Variants in CATSPERE observed in about 807,000 individuals in gnomAD.
The protein encoded by CATSPERE is catsper channel auxiliary subunit epsilon.
Under a neutral mutation model 114.1 loss-of-function variants are expected in CATSPERE, and 93 were observed. That is an observed-to-expected ratio of 0.81 (90% CI 0.69 to 0.97). The LOEUF is 0.97. CATSPERE is among the 50% of genes least tolerant of loss of function. The pLI is 0.00. For synonymous variants in CATSPERE, 341 were observed against 384.1 expected (o/e 0.89, Z 1.31); for missense variants, 1,058 against 1,131.6 (o/e 0.93, Z 0.93).
intron 13 of CATSPERE, among the ~76,000 whole-genome samples, chr1:244,587,639 A>C (rs1427805300): frequency 6.6e-6 from 1 of 152,260 alleles, no homozygotes; most frequent in Admixed American, 6.5e-5. Flanking sequence ...AATATCCATA[A>C]AATGAGGACA....
chr1:244,487,433 C>T (rs1671277897), intron 5 of CATSPERE, among the ~76,000 whole-genome samples: 1 of 152,102 alleles, frequency 6.6e-6, no homozygotes, highest in South Asian at 2.1e-4. Flanking sequence ...CCCACCTCAA[C>T]CCCCGAGGGT....
At chr1:244,528,310 C>G (rs915253423) in intron 8 of CATSPERE, among the ~76,000 whole-genome samples, 1 of 152,042 alleles carries the variant, frequency 6.6e-6, no homozygotes, top group African/African-American at 2.4e-5. Flanking sequence ...AATGTATACA[C>G]TATACAACAG....
chr1:244,475,639 C>G (rs1010008074), intron 2 of CATSPERE, among the ~76,000 whole-genome samples: 3 of 148,820 alleles, frequency 2.0e-5, no homozygotes, highest in African/African-American at 7.5e-5. Context: ...CTGGCTGAAG[C>G]GATTCTCCTG....
intron 2 of CATSPERE, among the ~76,000 whole-genome samples, chr1:244,470,714 A>G (rs189934560): frequency 4.7e-4 from 72 of 152,330 alleles, no homozygotes; most frequent in African/African-American, 1.7e-3. Flanking sequence ...TAGTACATGA[A>G]TGTTCACAGA....
intron 13 of CATSPERE, 35 bp from the exon 14 acceptor site, chr1:244,588,447 C>T: frequency 6.6e-7 from 1 of 1,519,912 alleles, no homozygotes; most frequent in Non-Finnish European, 9.1e-7. Flanking sequence ...TGAATCAGAA[C>T]TGCTGAACTC....
intron 20 of CATSPERE, among the ~76,000 whole-genome samples, chr1:244,625,410 A>T (rs1340905323): frequency 1.2e-4 from 1 of 8,356 alleles, no homozygotes; most frequent in African/African-American, 3.2e-4. Flanking sequence ...TATTATTTAT[A>T]TATATATATA....
In CATSPERE at chr1:244,640,028, C is replaced by T. The variant is rs780300820; in HGVS notation, c.2803C>T (p.Arg935Ter). 5.4e-5 allele frequency: 84 copies of T among 1,549,948 alleles called. No homozygotes were observed. The East Asian group carries it at 1.2e-3, about 23-fold the overall frequency. ...SYFRYMRIYRRYIYEPLHKPQ... is the reference protein window; with the variant it reads ...SYFRYMRIYR ...CTTTCGGTACATGAGGATTTATAGA[C>T]GATATATTTATGAACCACTTCACAA... The change falls in exon 22 of 22, where the codon CGA becomes TGA. Residue 935 changes from arginine (R) to a stop codon, truncating the protein, a stop_gained. Transcript: ENST00000366534. LOFTEE classifies it low-confidence loss of function (END_TRUNC).
chr1:244,574,542 T>G (rs1049839564), intron 11 of CATSPERE, among the ~76,000 whole-genome samples: 1 of 151,460 alleles, frequency 6.6e-6, no homozygotes, highest in African/African-American at 2.5e-5. Context: ...CTCTTCAAAC[T>G]TTTTTTAACA....
chr1:244,492,117 C>T lies in CATSPERE; in HGVS notation c.351+1646C>T, dbSNP rs1368668661. Among the ~76,000 whole-genome samples, 50 of 152,064 alleles carry T rather than the reference C, an allele frequency of 3.3e-4. 1 individual carries two copies. Among genetic ancestry groups the T allele is most frequent in the African/African-American group, 1.2e-3 (48 of 41,518 alleles). On this transcript the variant is annotated intron_variant, in intron 6 of 21. Coordinates refer to ENST00000366534, the MANE Select transcript of CATSPERE (RefSeq NM_001130957.2). The stretch of plus-strand genomic sequence containing the variant: ...TATGAGGCCAGCATCATCCTGATAC[C>T]AAAGCCTGGCAGAGACACAACCAAA...
At chr1:244,608,806 T>C (rs959850614) in intron 18 of CATSPERE, among the ~76,000 whole-genome samples, 2 of 152,166 alleles carry the variant, frequency 1.3e-5, no homozygotes, top group African/African-American at 4.8e-5. Flanking sequence ...TCTATCTGTA[T>C]CTCATTTTTC....
upstream of CATSPERE, among the ~76,000 whole-genome samples, chr1:244,451,297 C>T (rs2148022536): frequency 6.6e-6 from 1 of 152,334 alleles, no homozygotes; most frequent in Middle Eastern, 3.4e-3. The surrounding 1 kb of genome is among the most constrained non-coding windows in gnomAD (Gnocchi z 6.6). Context: ...ACTCGGACCG[C>T]ATCCCACCTC....
intron 7 of CATSPERE, among the ~76,000 whole-genome samples, chr1:244,503,885 T>A (rs1464916277): frequency 6.6e-6 from 1 of 152,246 alleles, no homozygotes; most frequent in Admixed American, 6.5e-5. Flanking sequence ...ATTTCTAATA[T>A]GCTATTAAAC....
At chr1:244,639,555 T>C (rs908858290) in intron 21 of CATSPERE, among the ~76,000 whole-genome samples, 9 of 152,052 alleles carry the variant, frequency 5.9e-5, no homozygotes, top group African/African-American at 2.2e-4. Flanking sequence ...CTGGGTGTGG[T>C]GGTGCCCTCC....
chr1:244,621,114 AT>A (rs1315083823), intron 20 of CATSPERE, among the ~76,000 whole-genome samples: 4 of 72,464 alleles, frequency 5.5e-5, no homozygotes, highest in Non-Finnish European at 1.0e-4. Context: ...AAATATATAT[AT>A]AATATATATA....
At chr1:244,582,826 G>A (rs1293007584) in intron 12 of CATSPERE, among the ~76,000 whole-genome samples, 5 of 152,032 alleles carry the variant, frequency 3.3e-5, no homozygotes, top group African/African-American at 1.2e-4. Context: ...TAGTGTCATG[G>A]AACCCATTCT....
At chr1:244,595,286 G>T (rs1277142403) in intron 17 of CATSPERE, among the ~76,000 whole-genome samples, 4 of 152,204 alleles carry the variant, frequency 2.6e-5, no homozygotes, top group Admixed American at 6.5e-5. Context: ...TGGGTGGATA[G>T]TATTGAAACT....
chr1:244,451,928 C>G, upstream of CATSPERE: 1 of 1,172,914 alleles, frequency 8.5e-7, no homozygotes, highest in Non-Finnish European at 1.1e-6. This position sits in a 1 kb window ranked among gnomAD's most constrained non-coding sequence, Gnocchi z 6.6. Flanking sequence ...AGCCAGAGGC[C>G]GGCCCCGCCC....
At chr1:244,625,871 G>T (rs569720385) in intron 20 of CATSPERE, among the ~76,000 whole-genome samples, 1 of 151,960 alleles carries the variant, frequency 6.6e-6, no homozygotes, top group Non-Finnish European at 1.5e-5. Context: ...TTACAGGTGT[G>T]AGCCACCATG....
At chr1:244,534,250 G>T (rs973691406) in intron 8 of CATSPERE, among the ~76,000 whole-genome samples, 1 of 151,932 alleles carries the variant, frequency 6.6e-6, no homozygotes, top group African/African-American at 2.4e-5. Context: ...GTCTTCTTTG[G>T]GTTAACTCTG....
Sources: allele counts gnomAD v4.1 joint callset (sites outside exome capture counted in the v4.1 genomes callset), GRCh38; gene constraint gnomAD v4.1.1; non-coding constraint Gnocchi (gnomAD v3.1); transcripts MANE v1.5; gene names NCBI Gene and HGNC (gene_info 2026-07-23, HGNC 2026-07-21).